The following MGA variants were observed in gnomAD, a reference collection of about 807,000 sequenced individuals.
MGA encodes the protein MAX gene-associated protein.
Under a neutral mutation model 261.1 loss-of-function variants are expected in MGA, and 40 were observed. That is an observed-to-expected ratio of 0.15 (90% CI 0.12 to 0.20). MGA has a LOEUF of 0.20. MGA is among the 10% of genes least tolerant of loss of function. The pLI, the probability that MGA is intolerant of heterozygous loss-of-function variation, is 1.00. For missense variants in MGA, 3,397 were observed against 3,630.5 expected, an observed-to-expected ratio of 0.94 and a Z score of 1.65; for synonymous variants, 1,302 against 1,290.6, an observed-to-expected ratio of 1.01 and a Z score of -0.19.
At position 41,766,472 on chromosome 15, in the gene MGA, C is replaced by T. The variant is rs778211441; in HGVS notation, c.8390C>T (p.Ser2797Leu). 1.2e-6 allele frequency: 2 copies of T among 1,613,964 alleles called. No individual in the cohort carries two copies. The highest frequency in any genetic ancestry group is 1.7e-6 in the Non-Finnish European group (2 of 1,179,884). ...GAGATGGAACTGAGGAAAGTAACAT[C>T]AGCTATAGAGGAAGCAGCTCTTGAT... is the stretch of plus-strand genomic sequence containing the variant. Residue 2797 changes from serine to leucine, a missense_variant, in exon 24 of 24, where the codon TCA (serine) becomes TTA (leucine). Ser to Leu is a moderately radical substitution (Grantham distance 145). Coordinates refer to ENST00000219905, the MANE Select transcript of MGA (RefSeq NM_001164273.2).
At chr15:41,738,690 C>CTGTAAACTT (rs891586451) in intron 13 of MGA, among the ~76,000 whole-genome samples, 4 of 152,198 alleles carry the variant, frequency 2.6e-5, no homozygotes, top group African/African-American at 9.6e-5. Flanking sequence ...AGTCAGGCAA[C>CTGTAAACTT]TGTAAACTTT....
At chr15:41,723,499 T>G (rs2061063368) in intron 9 of MGA, among the ~76,000 whole-genome samples, 1 of 152,210 alleles carries the variant, frequency 6.6e-6, no homozygotes, top group Non-Finnish European at 1.5e-5. Flanking sequence ...AACTATATCC[T>G]TGATCTCCCT....
intron 1 of MGA, among the ~76,000 whole-genome samples, chr15:41,635,317 GAGAA>G (rs1418673363): frequency 6.6e-6 from 1 of 152,070 alleles, no homozygotes; most frequent in Non-Finnish European, 1.5e-5. Flanking sequence ...CTGGGCAACA[GAGAA>G]AGACTCTGTC....
intron 19 of MGA, among the ~76,000 whole-genome samples, chr15:41,759,183 A>T (rs1216925403): frequency 3.3e-5 from 5 of 152,176 alleles, no homozygotes; most frequent in African/African-American, 1.2e-4. Context: ...GAACAGCTAA[A>T]AGTAGTGATG....
intron 15 of MGA, among the ~76,000 whole-genome samples, chr15:41,744,340 A>T (rs1386557447): frequency 6.6e-6 from 1 of 151,990 alleles, no homozygotes; most frequent in Non-Finnish European, 1.5e-5. Flanking sequence ...AGTAGCTGGG[A>T]CTACAGGTTT....
chr15:41,625,374 G>C (rs2056423795), intron 1 of MGA, among the ~76,000 whole-genome samples: 1 of 151,736 alleles, frequency 6.6e-6, no homozygotes, highest in Admixed American at 6.6e-5. Context: ...AGCAAAGCCT[G>C]GCAAATTGTG....
chr15:41,736,341 C>G lies in MGA; in HGVS notation c.4077C>G (p.Ile1359Met). The change falls in exon 13 of 24, where the codon ATC (isoleucine) becomes ATG (methionine). Residue 1359 changes from isoleucine to methionine, a missense_variant. Ile to Met is a conservative substitution (Grantham distance 10). Transcript: ENST00000219905. The stretch of plus-strand genomic sequence containing the variant: ...TTTTGAGCATCTTATCCCAGCACAT[C>G]AATAGCAACATGCCACAATCACTTA... The G allele has an allele frequency of 6.2e-7, 1 of 1,613,996 alleles. No homozygotes were observed. The highest frequency in any genetic ancestry group is 8.5e-7 in the Non-Finnish European group (1 of 1,179,898).
intron 13 of MGA, 67 bp from the exon 14 acceptor site, chr15:41,739,839 T>C: frequency 5.4e-6 from 8 of 1,480,600 alleles, no homozygotes; most frequent in Non-Finnish European, 7.3e-6. Flanking sequence ...ATGAAGCCCC[T>C]GTCAAGGGAG....
In MGA at chr15:41,766,791, C is replaced by T; in HGVS notation, c.8709C>T (p.His2903=). 3.1e-6 allele frequency: 5 copies of T among 1,614,014 alleles called. No homozygotes were observed. Among genetic ancestry groups the T allele is most frequent in the Non-Finnish European group, 4.2e-6 (5 of 1,179,890 alleles). Residue 2903 remains histidine (H), a synonymous_variant, in exon 24 of 24, where the codon CAC becomes CAT. Coordinates refer to ENST00000219905, the MANE Select transcript of MGA (RefSeq NM_001164273.2). Reference sequence around the variant, plus strand: ...ACTCTATCAGTCCCCTCCTCTTGCACTTGGAAGACGATGACTTTTCTGAGA... The same window carrying T: ...ACTCTATCAGTCCCCTCCTCTTGCATTTGGAAGACGATGACTTTTCTGAGA...
chr15:41,711,465 T>C, intron 8 of MGA, 116 bp downstream of exon 8: 1 of 1,067,078 alleles, frequency 9.4e-7, no homozygotes, highest in South Asian at 1.7e-5. Context: ...TTTTAGCATT[T>C]AGAACCTTCA....
intron 1 of MGA, among the ~76,000 whole-genome samples, chr15:41,637,667 G>A (rs1365157449): frequency 1.3e-5 from 2 of 152,102 alleles, no homozygotes; most frequent in Non-Finnish European, 2.9e-5. Flanking sequence ...GTGATTATCA[G>A]TTTAAAATTG....
At chr15:41,712,403 A>G (rs1259854520) in intron 8 of MGA, among the ~76,000 whole-genome samples, 2 of 152,096 alleles carry the variant, frequency 1.3e-5, no homozygotes, top group African/African-American at 4.8e-5. Flanking sequence ...TTAAAAATAC[A>G]AATGGGGTTT....
At chr15:41,761,087 A>G (rs565484992) in intron 20 of MGA, among the ~76,000 whole-genome samples, 1 of 152,296 alleles carries the variant, frequency 6.6e-6, no homozygotes, top group East Asian at 1.9e-4. Context: ...CAGGTTCTTT[A>G]TTGGCACAGC....
At chr15:41,729,486 C>T (rs1263613643) in intron 11 of MGA, 137 bp downstream of exon 11, 23 of 845,038 alleles carry the variant, frequency 2.7e-5, no homozygotes, top group Non-Finnish European at 3.6e-5. Flanking sequence ...GTTTATTTCT[C>T]TGTGTACCTA....
intron 5 of MGA, among the ~76,000 whole-genome samples, chr15:41,701,050 A>G (rs927301544): frequency 1.3e-5 from 2 of 152,230 alleles, no homozygotes; most frequent in Non-Finnish European, 2.9e-5. Context: ...ATGTGGGCTG[A>G]TTGCTGTGGA....
At chr15:41,683,576 A>ATTTT (rs538776351) in intron 2 of MGA, among the ~76,000 whole-genome samples, 2 of 126,914 alleles carry the variant, frequency 1.6e-5, no homozygotes, top group Admixed American at 8.1e-5. Context: ...TGAATCCCCA[A>ATTTT]TTTTTTTTTT....
At chr15:41,688,268 G>A (rs1327509579) in intron 2 of MGA, among the ~76,000 whole-genome samples, 1 of 152,086 alleles carries the variant, frequency 6.6e-6, no homozygotes, top group African/African-American at 2.4e-5. Flanking sequence ...TAGAGATGGG[G>A]TTTCACTGTG....
chr15:41,642,354 G>GGCTGGAGT (rs2056838844), intron 1 of MGA, among the ~76,000 whole-genome samples: 2 of 149,454 alleles, frequency 1.3e-5, no homozygotes, highest in Admixed American at 1.3e-4. Flanking sequence ...TTGTTGCCCA[G>GGCTGGAGT]GCTGGAGTGC....
intron 1 of MGA, among the ~76,000 whole-genome samples, chr15:41,624,191 A>G (rs899532883): frequency 6.6e-6 from 1 of 151,796 alleles, no homozygotes; most frequent in South Asian, 2.1e-4. Context: ...CAGCCTCCCA[A>G]GTAGCTGGGA....
Sources: gnomAD v4.1 joint callset for allele counts (sites outside exome capture counted in the v4.1 genomes callset) on GRCh38, gnomAD v4.1.1 for gene constraint, MANE v1.5 for transcripts, NCBI Gene and HGNC (gene_info 2026-07-23, HGNC 2026-07-21) for gene names.